The following RBFOX2 variants were observed in gnomAD, a reference collection of about 807,000 sequenced individuals.
RBFOX2 encodes the protein RNA binding protein fox-1 homolog 2.
RBFOX2 carries 10 observed loss-of-function variants against 49.1 expected under a neutral mutation model. The observed-to-expected ratio is 0.20, with a 90% confidence interval of 0.13 to 0.35. The LOEUF is 0.35. Ranked by LOEUF, RBFOX2 falls within the 10% of genes least tolerant of loss-of-function variation. RBFOX2 has a pLI of 1.00. For synonymous variants in RBFOX2, 183 were observed against 187.4 expected, an observed-to-expected ratio of 0.98 and a Z score of 0.19; for missense variants, 323 against 486.9, an observed-to-expected ratio of 0.66 and a Z score of 3.17.
chr22:35,867,580 T>C (rs1226324562), intron 1 of RBFOX2, among the ~76,000 whole-genome samples: 1 of 152,170 alleles, frequency 6.6e-6, no homozygotes, highest in Non-Finnish European at 1.5e-5. Flanking sequence ...GTTATTCATG[T>C]TTCTTAAATA....
chr22:35,745,435 C>T (rs1205962489), intron 11 of RBFOX2, among the ~76,000 whole-genome samples: 3 of 152,184 alleles, frequency 2.0e-5, no homozygotes, highest in African/African-American at 7.2e-5. Context: ...ATAAAATATC[C>T]TATAAAGCAT....
intron 1 of RBFOX2, among the ~76,000 whole-genome samples, chr22:35,935,316 C>A (rs1569499161): frequency 6.6e-6 from 1 of 152,178 alleles, no homozygotes; most frequent in Non-Finnish European, 1.5e-5. Flanking sequence ...TTGTCTCCTC[C>A]ACTTCCATAG....
chr22:35,995,666 C>G (rs1012509026), intron 1 of RBFOX2: 1 of 158,030 alleles, frequency 6.3e-6, no homozygotes, highest in Non-Finnish European at 1.4e-5. Flanking sequence ...CTCTCTCCTG[C>G]TCCACCATGG....
At chr22:35,881,959 AAAAG>A (rs2045962041) in intron 1 of RBFOX2, among the ~76,000 whole-genome samples, 1 of 151,958 alleles carries the variant, frequency 6.6e-6, no homozygotes, top group Admixed American at 6.6e-5. Flanking sequence ...ACCCTGTCTC[AAAAG>A]AAAAAAAGAA....
intron 6 of RBFOX2, among the ~76,000 whole-genome samples, chr22:35,763,382 C>A (rs936721788): frequency 6.6e-6 from 1 of 151,930 alleles, no homozygotes; most frequent in African/African-American, 2.4e-5. Flanking sequence ...GCCAACATGG[C>A]AAAACCTCGT....
intron 1 of RBFOX2, among the ~76,000 whole-genome samples, chr22:35,918,987 T>TA (rs150304016): frequency 2.2e-3 from 332 of 148,400 alleles, no homozygotes; most frequent in South Asian, 0.012. Flanking sequence ...TTTCCCACCA[T>TA]AAAAAAAAAA....
chr22:35,810,707 T>C (rs1472834831), intron 1 of RBFOX2, among the ~76,000 whole-genome samples: 1 of 152,200 alleles, frequency 6.6e-6, no homozygotes, highest in African/African-American at 2.4e-5. Flanking sequence ...AGTTTTATTA[T>C]GATATAACTG....
chr22:35,886,172 G>C (rs1375866628), intron 1 of RBFOX2, among the ~76,000 whole-genome samples: 1 of 152,004 alleles, frequency 6.6e-6, no homozygotes, highest in Non-Finnish European at 1.5e-5. Context: ...CAATATTTTA[G>C]TTGAACACTT....
intron 1 of RBFOX2, among the ~76,000 whole-genome samples, chr22:35,927,551 C>T (rs1376818405): frequency 2.8e-5 from 4 of 142,460 alleles, no homozygotes; most frequent in African/African-American, 1.1e-4. Context: ...TTGCGGTGAG[C>T]CAAGATCGCA....
upstream of RBFOX2, among the ~76,000 whole-genome samples, chr22:35,842,655 C>A (rs532042891): frequency 6.6e-6 from 1 of 152,150 alleles, no homozygotes; most frequent in East Asian, 1.9e-4. Flanking sequence ...CTATTCTTGA[C>A]AAAAAGCCTG....
intron 1 of RBFOX2, among the ~76,000 whole-genome samples, chr22:35,899,552 C>G (rs1427226315): frequency 6.9e-6 from 1 of 145,346 alleles, no homozygotes; most frequent in Admixed American, 6.8e-5. Context: ...CATTTTTCTA[C>G]CTTTAAAACA....
chr22:35,916,181 C>T (rs542197811), intron 1 of RBFOX2, among the ~76,000 whole-genome samples: 5 of 152,320 alleles, frequency 3.3e-5, no homozygotes, highest in Admixed American at 6.5e-5. Context: ...GCCTGTTCTA[C>T]CACTTTCCAG....
At chr22:36,003,544 A>G (rs968672779) in intron 1 of RBFOX2, among the ~76,000 whole-genome samples, 3 of 152,218 alleles carry the variant, frequency 2.0e-5, no homozygotes, top group Non-Finnish European at 4.4e-5. Flanking sequence ...AAGAACAGAT[A>G]TTGGAGGTGG....
chr22:35,898,139 A>C lies in RBFOX2; in HGVS notation c.-34+40708T>G, dbSNP rs997513497. On this transcript the variant is annotated intron_variant, in intron 1 of 13. Coordinates refer to the RBFOX2 transcript ENST00000359369. ...ATGGGACGAAGGTGCATGATGTCAC[A>C]TGTATCACACCGATAGGGTATGATC... is the stretch of plus-strand genomic sequence containing the variant. 1.2e-5 allele frequency: 9 copies of C among 744,732 alleles called. No homozygotes were observed. In the African/African-American group the frequency reaches 1.4e-4, roughly 11 times the overall value. 46.1% of individuals were successfully genotyped at this position (744,732 alleles called of 1,614,324 possible).
rs112491211 is a variant in RBFOX2, at chr22:35,764,260, C to T, written c.607+1163G>A. ...TTTAAGACATTATTAGCACATACAG[C>T]CATACTCTAGCAGTGGGTTCAAACT... On this transcript the variant is annotated intron_variant, in intron 6 of 11. Coordinates refer to ENST00000405409, the Ensembl canonical transcript of RBFOX2. Among the ~76,000 whole-genome samples, 825 of 152,130 alleles carry T rather than the reference C, an allele frequency of 5.4e-3. 11 individuals are homozygous for T. Among genetic ancestry groups the T allele is most frequent in the African/African-American group, 0.018 (765 of 41,502 alleles).
chr22:35,985,932 ATAGATAG>A (rs1217220340), intron 1 of RBFOX2, among the ~76,000 whole-genome samples: 3 of 151,980 alleles, frequency 2.0e-5, no homozygotes, highest in Non-Finnish European at 4.4e-5. Flanking sequence ...AGATAGATAG[ATAGATAG>A]ATAGATAGAT....
At chr22:35,961,002 C>T (rs1457505765) in intron 1 of RBFOX2, among the ~76,000 whole-genome samples, 1 of 151,952 alleles carries the variant, frequency 6.6e-6, no homozygotes, top group Non-Finnish European at 1.5e-5. Flanking sequence ...AAAAGAAACA[C>T]ATTTGCCCTT....
At chr22:35,802,556 T>C (rs1193490256) in intron 2 of RBFOX2, among the ~76,000 whole-genome samples, 2 of 152,012 alleles carry the variant, frequency 1.3e-5, no homozygotes, top group Non-Finnish European at 2.9e-5. Flanking sequence ...GCTGGGACCA[T>C]AAAAACCAGC....
At chr22:35,781,806 T>TC (rs1945203036) in intron 2 of RBFOX2, 60 bp from the exon 4 acceptor site, 1 of 1,604,454 alleles carries the variant, frequency 6.2e-7, no homozygotes, top group African/African-American at 1.3e-5. Context: ...ATTAAAGTTA[T>TC]CCCCCCACAG....
Sources: allele counts gnomAD v4.1 joint callset (sites outside exome capture counted in the v4.1 genomes callset), GRCh38; gene constraint gnomAD v4.1.1; transcripts MANE v1.5; gene names NCBI Gene and HGNC (gene_info 2026-07-23, HGNC 2026-07-21).